The following FRMPD4 variants were observed in gnomAD, a reference collection of about 807,000 sequenced individuals.
FRMPD4 encodes FERM and PDZ domain-containing protein 4.
Under a neutral mutation model 94.1 loss-of-function variants are expected in FRMPD4, and 22 were observed. The ratio of observed to expected loss-of-function variants is 0.23; its 90% CI spans 0.17 to 0.33. The LOEUF is 0.33. Among genes scored for constraint, FRMPD4 ranks in the 10% least tolerant of loss-of-function variants. The pLI, the probability that FRMPD4 is intolerant of heterozygous loss-of-function variation, is 1.00. For missense variants in FRMPD4, 1,111 were observed against 1,339.9 expected, an observed-to-expected ratio of 0.83 and a Z score of 2.67; for synonymous variants, 631 against 548.6, an observed-to-expected ratio of 1.15 and a Z score of -2.10.
chrX:12,208,897 A>G lies in FRMPD4; in HGVS notation c.41+69885A>G, dbSNP rs147866967. 6.1e-4 allele frequency among the ~76,000 whole-genome samples: 69 copies of G among 112,292 alleles called. No homozygotes were observed. The East Asian group carries it at 0.018, about 29-fold the overall frequency. On this transcript the variant is annotated intron_variant, in intron 1 of 16. Transcript: ENST00000675598. Reference sequence around the variant, plus strand: ...TTTGGCAAAATTATGCATCAATTGGAAGAAACTACAACAACAATTATAAAT... The same window carrying G: ...TTTGGCAAAATTATGCATCAATTGGGAGAAACTACAACAACAATTATAAAT...
intron 1 of FRMPD4, among the ~76,000 whole-genome samples, chrX:12,228,906 A>G (rs961658102): frequency 8.9e-6 from 1 of 112,071 alleles, no homozygotes; most frequent in Non-Finnish European, 1.9e-5. Context: ...TAAGAATTGG[A>G]TAACAGCCTT....
chrX:12,537,117 C>G (rs1696241881), intron 2 of FRMPD4, among the ~76,000 whole-genome samples: 1 of 111,743 alleles, frequency 8.9e-6, no homozygotes, highest in African/African-American at 3.3e-5. Flanking sequence ...GACTCTTCCC[C>G]AGGCTGAGCC....
At chrX:11,868,056 T>C (rs998868990) in intron 2 of FRMPD4, among the ~76,000 whole-genome samples, 2 of 111,792 alleles carry the variant, frequency 1.8e-5, no homozygotes, top group Non-Finnish European at 3.8e-5. Flanking sequence ...GTTACTACTA[T>C]CTATTTAATG....
chrX:12,138,195 C>G (rs1260583307), upstream of FRMPD4, among the ~76,000 whole-genome samples: 1 of 112,546 alleles, frequency 8.9e-6, no homozygotes, highest in Non-Finnish European at 1.9e-5. Context: ...TTCCCCTTGA[C>G]AAACGACCCA....
intron 2 of FRMPD4, among the ~76,000 whole-genome samples, chrX:12,546,772 G>A (rs1202473331): frequency 9.0e-6 from 1 of 110,518 alleles, no homozygotes; most frequent in Non-Finnish European, 1.9e-5. Flanking sequence ...AAAAGCAGAA[G>A]TGGCAGATGA....
rs1458718766 is a variant in FRMPD4 at position 12,231,032 on chromosome X, A to ATG, written c.41+92021_41+92022insGT. Among the ~76,000 whole-genome samples the ATG allele has an allele frequency of 7.4e-4, 44 of 59,273 alleles. 3 individuals carry two copies. The highest frequency in any genetic ancestry group is 1.5e-3 in the East Asian group (3 of 2,053). The allele number at this position is 59,273 out of a possible 115,157, so 51.5% of individuals were successfully genotyped here. On this transcript the variant is annotated intron_variant, in intron 1 of 16. Transcript: ENST00000675598. Reference sequence around the variant, plus strand: ...ATAGTATATATAGTATATATATAGTATATATATATATATATAAAATATATA... The same window carrying ATG: ...ATAGTATATATAGTATATATATAGTATGTATATATATATATATAAAATATATA...
At chrX:12,666,856 C>T (rs1474206049) in intron 4 of FRMPD4, among the ~76,000 whole-genome samples, 2 of 112,213 alleles carry the variant, frequency 1.8e-5, no homozygotes, top group Non-Finnish European at 3.8e-5. Flanking sequence ...GACACCCTAA[C>T]ATCACAATTA....
At chrX:12,446,419 C>A (rs749016313) in intron 1 of FRMPD4, among the ~76,000 whole-genome samples, 1 of 111,636 alleles carries the variant, frequency 9.0e-6, no homozygotes, top group South Asian at 3.8e-4. Context: ...CATTTTGGGG[C>A]AATTGAGGTG....
chrX:12,349,300 T>C (rs1736240723), intron 1 of FRMPD4, among the ~76,000 whole-genome samples: 3 of 110,601 alleles, frequency 2.7e-5, no homozygotes, highest in African/African-American at 9.9e-5. Context: ...CCACAAACCA[T>C]ATGCAGACCT....
At chrX:12,486,629 C>T (rs748268720) in intron 1 of FRMPD4, among the ~76,000 whole-genome samples, 1 of 112,382 alleles carries the variant, frequency 8.9e-6, no homozygotes, top group African/African-American at 3.2e-5. Flanking sequence ...AAATGTCTTC[C>T]GTACTGTGGA....
At chrX:12,538,061 G>C (rs1419443041) in intron 2 of FRMPD4, among the ~76,000 whole-genome samples, 2 of 111,346 alleles carry the variant, frequency 1.8e-5, no homozygotes, top group Non-Finnish European at 3.8e-5. Flanking sequence ...CAAGGGGTCA[G>C]GGAATTCCCT....
intron 3 of FRMPD4, among the ~76,000 whole-genome samples, chrX:11,966,447 C>T (rs2054309974): frequency 9.0e-6 from 1 of 111,173 alleles, no homozygotes; most frequent in Non-Finnish European, 1.9e-5. Flanking sequence ...TTCTAGCTGC[C>T]AAAACTGTAA....
intron 3 of FRMPD4, among the ~76,000 whole-genome samples, chrX:12,067,628 G>C (rs2054932825): frequency 9.1e-6 from 1 of 110,064 alleles, no homozygotes; most frequent in Non-Finnish European, 1.9e-5. Flanking sequence ...ATGTTGGCCA[G>C]GTTGGTCTCA....
At chrX:12,311,792 G>A (rs1202438014) in intron 1 of FRMPD4, among the ~76,000 whole-genome samples, 2 of 111,183 alleles carry the variant, frequency 1.8e-5, no homozygotes, top group Non-Finnish European at 3.8e-5. Flanking sequence ...TTCTTTTCAA[G>A]ATAATATCTT....
chrX:12,710,524 G>A lies in FRMPD4; in HGVS notation c.1596G>A (p.Ala532=), dbSNP rs774001975. 1.7e-5 allele frequency: 21 copies of A among 1,205,112 alleles called. No homozygotes were observed. The highest frequency in any genetic ancestry group is 2.0e-5 in the Non-Finnish European group (18 of 891,713). ...ACATGGCCAACAAGAAAAACACAGCGACCCAGGAAACAGGTATTCTCTTCC... is the reference window on the plus strand; with the variant it reads ...ACATGGCCAACAAGAAAAACACAGCAACCCAGGAAACAGGTATTCTCTTCC... The part of the protein sequence containing the change: ...IFNMANKKNT[A]TQETGPENKG... Residue 532 remains alanine, a synonymous_variant, in exon 14 of 17, where the codon GCG becomes GCA. Coordinates refer to ENST00000675598, the MANE Select transcript of FRMPD4 (RefSeq NM_001368397.1).
At chrX:12,400,666 A>G (rs1442897994) in intron 1 of FRMPD4, among the ~76,000 whole-genome samples, 2 of 112,225 alleles carry the variant, frequency 1.8e-5, no homozygotes, top group Admixed American at 9.4e-5. Flanking sequence ...TGCTCATTCA[A>G]TTTGATGTCT....
chrX:12,429,618 T>C (rs5978531), intron 1 of FRMPD4, among the ~76,000 whole-genome samples: 4,619 of 112,056 alleles, frequency 0.041, 266 homozygotes, highest in African/African-American at 0.14. Flanking sequence ...CTGTTTCTTA[T>C]TATTGTTTTT....
intron 1 of FRMPD4, among the ~76,000 whole-genome samples, chrX:12,280,280 A>AATAATAATAATAAT (rs2054504361): frequency 6.7e-5 from 6 of 90,148 alleles, no homozygotes; most frequent in Non-Finnish European, 1.3e-4. Context: ...ATAATAATAA[A>AATAATAATAATAAT]ACCAAGTTTA....
chrX:12,358,061 C>T (rs2055922140), intron 1 of FRMPD4, among the ~76,000 whole-genome samples: 1 of 112,259 alleles, frequency 8.9e-6, no homozygotes, highest in African/African-American at 3.2e-5. Context: ...TAACATGTAT[C>T]AGCACTTCAT....
Sources: allele counts gnomAD v4.1 joint callset (sites outside exome capture counted in the v4.1 genomes callset), GRCh38; gene constraint gnomAD v4.1.1; transcripts MANE v1.5; gene names NCBI Gene and HGNC (gene_info 2026-07-23, HGNC 2026-07-21).